Variants in CHN1 observed in about 807,000 individuals in gnomAD.
CHN1 encodes chimerin 1, also known as N-chimaerin.
CHN1 carries 37 observed loss-of-function variants against 59.5 expected under a neutral mutation model. The observed-to-expected ratio is 0.62, with a 90% CI of 0.48 to 0.82. The LOEUF (loss-of-function observed/expected upper bound fraction) is 0.82, where lower values mean the gene tolerates loss of function less well. CHN1 is among the 40% of genes least tolerant of loss of function. The pLI is 0.00. For synonymous variants in CHN1, 206 were observed against 200.4 expected (o/e 1.03, Z -0.24); for missense variants, 469 against 571.0 (o/e 0.82, Z 1.82).
intron 1 of CHN1, 96 bp downstream of exon 1, chr2:175,004,798 C>T: frequency 3.1e-6 from 2 of 652,162 alleles, no homozygotes; most frequent in Non-Finnish European, 3.9e-6. Flanking sequence ...CCACGCGCCG[C>T]GCCCCCTCCC....
intron 1 of CHN1, among the ~76,000 whole-genome samples, chr2:174,980,090 T>C (rs1304054331): frequency 6.6e-6 from 1 of 152,138 alleles, no homozygotes; most frequent in Non-Finnish European, 1.5e-5. Context: ...GTTGGCATTT[T>C]TATGTTATTA....
chr2:174,935,863 T>C (rs2105393650), intron 3 of CHN1, among the ~76,000 whole-genome samples: 1 of 152,226 alleles, frequency 6.6e-6, no homozygotes, highest in South Asian at 2.1e-4. Flanking sequence ...AGCCTGGCAA[T>C]GCAAAGCCAC....
At chr2:174,842,220 C>T (rs990599691) in intron 7 of CHN1, among the ~76,000 whole-genome samples, 3 of 151,938 alleles carry the variant, frequency 2.0e-5, no homozygotes, top group African/African-American at 4.8e-5. Flanking sequence ...CGGGAAAGGG[C>T]AAGGAAGAAT....
intron 1 of CHN1, among the ~76,000 whole-genome samples, chr2:174,980,422 C>G (rs2105448753): frequency 6.6e-6 from 1 of 152,290 alleles, no homozygotes. Flanking sequence ...GTGAGCTCCT[C>G]AGAACATAAA....
intron 1 of CHN1, among the ~76,000 whole-genome samples, chr2:175,002,320 T>C (rs966449960): frequency 6.6e-6 from 1 of 152,270 alleles, no homozygotes; most frequent in African/African-American, 2.4e-5. Flanking sequence ...GATTGGGGTC[T>C]GGTTCTTCTA....
At chr2:174,913,966 T>C (rs1378605954) in intron 5 of CHN1, among the ~76,000 whole-genome samples, 1 of 152,244 alleles carries the variant, frequency 6.6e-6, no homozygotes, top group Non-Finnish European at 1.5e-5. Context: ...AATAAAGGGA[T>C]GAACAAAGAC....
intron 7 of CHN1, chr2:174,846,160 G>T (rs1315189235): frequency 9.8e-7 from 1 of 1,019,586 alleles, no homozygotes; most frequent in Non-Finnish European, 1.3e-6. Flanking sequence ...GAATTAGATT[G>T]CAAAGGACAG....
At chr2:174,887,363 G>A (rs976765103) in intron 5 of CHN1, among the ~76,000 whole-genome samples, 3 of 151,978 alleles carry the variant, frequency 2.0e-5, no homozygotes, top group African/African-American at 7.2e-5. Context: ...TAAGCAAAAG[G>A]CTTAAAATGT....
chr2:174,926,023 G>A (rs1248233573), intron 3 of CHN1, among the ~76,000 whole-genome samples: 1 of 151,912 alleles, frequency 6.6e-6, no homozygotes, highest in Non-Finnish European at 1.5e-5. Context: ...CTATTTCACT[G>A]GAGAAAAAAA....
At chr2:174,855,317 G>A (rs2105446414) in intron 6 of CHN1, among the ~76,000 whole-genome samples, 1 of 152,260 alleles carries the variant, frequency 6.6e-6, no homozygotes, top group South Asian at 2.1e-4. Flanking sequence ...GAATGTTCTA[G>A]CTGGCAGGAC....
chr2:174,971,012 A>G (rs1690741157), intron 1 of CHN1, among the ~76,000 whole-genome samples: 1 of 152,230 alleles, frequency 6.6e-6, no homozygotes, highest in African/African-American at 2.4e-5. Flanking sequence ...TCTTCTTACT[A>G]CATTTAAAAA....
chr2:174,815,819 T>C (rs1685233444), intron 8 of CHN1, among the ~76,000 whole-genome samples: 1 of 152,230 alleles, frequency 6.6e-6, no homozygotes, highest in Non-Finnish European at 1.5e-5. Context: ...TTGACTCTGG[T>C]TCCTACTAAA....
At chr2:174,827,975 G>T (rs1321262485) in intron 7 of CHN1, among the ~76,000 whole-genome samples, 1 of 152,184 alleles carries the variant, frequency 6.6e-6, no homozygotes, top group Non-Finnish European at 1.5e-5. Context: ...AGGCTCTGGA[G>T]AAGTCAAATG....
Position 174,962,677 on chromosome 2 carries a change from G to C in CHN1, c.20-10475C>G, listed in dbSNP as rs1396125648. ...TTTGGAAGGCCCGGGGGGGGGGGGGGGGGGGGCAGATCACCTGAGGTCAGG... is the reference window on the plus strand; with the variant it reads ...TTTGGAAGGCCCGGGGGGGGGGGGGCGGGGGGCAGATCACCTGAGGTCAGG... On this transcript the variant is annotated intron_variant, in intron 1 of 12. Transcript: ENST00000409900. Among the ~76,000 whole-genome samples the C allele has an allele frequency of 1.0e-3, 85 of 84,272 alleles. 18 individuals are homozygous for C. The highest frequency in any genetic ancestry group is 2.8e-3 in the African/African-American group (68 of 24,340). The allele number at this position is 84,272 out of a possible 152,430, so 55.3% of individuals were successfully genotyped here. A position where few individuals can be genotyped will look rare whatever the true frequency, so the allele number is the denominator to read the frequency against.
chr2:174,986,480 C>T (rs565372162), intron 1 of CHN1, among the ~76,000 whole-genome samples: 30 of 152,070 alleles, frequency 2.0e-4, no homozygotes, highest in Non-Finnish European at 4.0e-4. Context: ...AAGACTAATA[C>T]GAAAGAAAAC....
intron 1 of CHN1, among the ~76,000 whole-genome samples, chr2:174,969,048 C>CTA (rs1690676055): frequency 6.6e-6 from 1 of 152,020 alleles, no homozygotes; most frequent in South Asian, 2.1e-4. Context: ...ATAAAATATA[C>CTA]TATATATATG....
At chr2:174,845,523 CT>C (rs1686477986) in intron 7 of CHN1, among the ~76,000 whole-genome samples, 1 of 152,074 alleles carries the variant, frequency 6.6e-6, no homozygotes, top group Admixed American at 6.6e-5. Flanking sequence ...TATGATACCT[CT>C]TTTCTATCCG....
chr2:174,921,958 C>A (rs1005442703), intron 3 of CHN1, among the ~76,000 whole-genome samples: 1 of 152,104 alleles, frequency 6.6e-6, no homozygotes, highest in Non-Finnish European at 1.5e-5. Context: ...ATACTTTATC[C>A]CTCATGAATC....
Position 174,812,324 on chromosome 2 carries a change from C to G in CHN1, c.871G>C (p.Glu291Gln), listed in dbSNP as rs777781363. 4 of 1,613,098 alleles carry G rather than the reference C, an allele frequency of 2.5e-6. No homozygotes were observed. The Admixed American group carries it at 6.7e-5, about 27-fold the overall frequency. The change falls in exon 9 of 13, where the codon GAG (glutamate) becomes CAG (glutamine). Residue 291 changes from glutamate (E) to glutamine (Q), a missense_variant. By Grantham distance (29) the Glu-to-Gln change is conservative (BLOSUM62 2). Transcript: ENST00000409900. ...RPMVVDMCIR[E>Q]IESRGLNSEG... is the part of the protein sequence containing the mutation. ...AATGGCTCACCTCTAGACTCAATCT[C>G]CCTGATGCACATGTCTACCACCATT...
Sources: gnomAD v4.1 joint callset for allele counts (sites outside exome capture counted in the v4.1 genomes callset) on GRCh38, gnomAD v4.1.1 for gene constraint, MANE v1.5 for transcripts, NCBI Gene and HGNC (gene_info 2026-07-23, HGNC 2026-07-21) for gene names.